Variants in SLC6A11 observed in about 807,000 individuals in gnomAD.
SLC6A11 encodes solute carrier family 6 member 11, also known as sodium- and chloride-dependent GABA transporter 3.
SLC6A11 carries 25 observed loss-of-function variants against 74.8 expected under a neutral mutation model. The observed-to-expected ratio is 0.33, with a 90% CI of 0.24 to 0.47. The LOEUF is 0.47. SLC6A11 is among the 20% of genes least tolerant of loss of function. SLC6A11 has a pLI of 1.00. For synonymous variants in SLC6A11, 330 were observed against 330.2 expected, an observed-to-expected ratio of 1.00 and a Z score of 0.01; for missense variants, 574 against 837.0, an observed-to-expected ratio of 0.69 and a Z score of 3.88.
At chr3:10,863,652 G>T (rs971451762) in intron 5 of SLC6A11, among the ~76,000 whole-genome samples, 1 of 152,166 alleles carries the variant, frequency 6.6e-6, no homozygotes, top group African/African-American at 2.4e-5. Flanking sequence ...AGAAGACATG[G>T]TCATTGAACT....
rs144692520 is a variant in SLC6A11 at position 10,918,343 on chromosome 3, T to C, written c.1010T>C (p.Leu337Pro). 6.2e-7 allele frequency: 1 copy of C among 1,604,018 alleles called. No homozygotes were observed. The highest frequency in any genetic ancestry group is 8.5e-7 in the Non-Finnish European group (1 of 1,176,250). ...NNNCYRDCIM[L>P]CCLNSGTSFV... ...CTTCCCCACAGGGACTGCATCATGCTCTGTTGCCTGAACAGCGGCACCAGC... is the reference window on the plus strand; with the variant it reads ...CTTCCCCACAGGGACTGCATCATGCCCTGTTGCCTGAACAGCGGCACCAGC... The change falls in exon 8 of 14, where the codon CTC becomes CCC. Residue 337 changes from leucine to proline, a missense_variant. By Grantham distance (98) the Leu-to-Pro change is moderately conservative. This residue lies in a region of SLC6A11 where 215 missense variants were observed against 357.9 expected (regional missense o/e 0.60). Transcript: ENST00000254488. This position sits in a 1 kb window ranked among gnomAD's most constrained non-coding sequence, Gnocchi z 4.5.
chr3:10,907,546 G>A (rs1020604769), intron 6 of SLC6A11, among the ~76,000 whole-genome samples: 4 of 152,280 alleles, frequency 2.6e-5, no homozygotes, highest in Admixed American at 6.5e-5. Flanking sequence ...AATATACCAT[G>A]AGCCTGAGAA....
At position 10,853,716 on chromosome 3, in the gene SLC6A11, C is replaced by T. The variant is rs541583664; in HGVS notation, c.756+9370C>T. ...AGTGACTGAGGCCCACCCCGGTTAT[C>T]CCACATAATCTCCTGGACATAAAGT... On this transcript the variant is annotated intron_variant, in intron 5 of 13. Coordinates refer to ENST00000254488, the MANE Select transcript of SLC6A11 (RefSeq NM_014229.3). 2.0e-4 allele frequency among the ~76,000 whole-genome samples: 30 copies of T among 152,318 alleles called. 1 individual carries two copies. Among genetic ancestry groups the T allele is most frequent in the Admixed American group, 1.8e-3 (27 of 15,302 alleles).
chr3:10,906,324 C>T (rs558385126), intron 6 of SLC6A11, among the ~76,000 whole-genome samples: 1 of 152,296 alleles, frequency 6.6e-6, no homozygotes, highest in East Asian at 1.9e-4. Context: ...AAAACAAAAA[C>T]CCTATGGACA....
intron 5 of SLC6A11, among the ~76,000 whole-genome samples, chr3:10,848,365 G>T (rs1053281067): frequency 3.3e-5 from 5 of 152,222 alleles, no homozygotes; most frequent in African/African-American, 9.6e-5. Context: ...GCATCTCCTT[G>T]CTGGGACAAC....
chr3:10,869,445 C>T (rs1694803773), intron 5 of SLC6A11, among the ~76,000 whole-genome samples: 1 of 152,234 alleles, frequency 6.6e-6, no homozygotes, highest in African/African-American at 2.4e-5. Context: ...GAGGGCAGGG[C>T]CCTGACTTGG....
rs528481001 is a variant in SLC6A11, at chr3:10,842,147, G to T, written c.624-2067G>T. ...TTTGGGAGCCGGTGTATTTCTCTGG[G>T]GAGAAAGTCCATCCCTTCGGTAACT... On this transcript the variant is annotated intron_variant, in intron 4 of 13. Transcript: ENST00000254488. Among the ~76,000 whole-genome samples, 8 of 152,264 alleles carry T rather than the reference G, an allele frequency of 5.3e-5. 1 individual carries two copies. In the South Asian group the frequency reaches 1.7e-3, roughly 32 times the overall value.
chr3:10,853,370 T>A (rs979009445), intron 5 of SLC6A11, among the ~76,000 whole-genome samples: 5 of 152,212 alleles, frequency 3.3e-5, no homozygotes, highest in African/African-American at 1.2e-4. Flanking sequence ...GCACCCCCGC[T>A]TGCTGTCACC....
At chr3:10,934,287 T>C (rs983512135) in intron 12 of SLC6A11, 121 bp downstream of exon 12, 1 of 679,554 alleles carries the variant, frequency 1.5e-6, no homozygotes, top group Non-Finnish European at 2.6e-6. Flanking sequence ...TGATGTCCCC[T>C]GGTTCAGGCC....
intron 8 of SLC6A11, among the ~76,000 whole-genome samples, chr3:10,920,960 C>T (rs535049017): frequency 2.0e-4 from 31 of 152,324 alleles, no homozygotes; most frequent in African/African-American, 6.7e-4. Context: ...GTCACCTCAC[C>T]TTTCTCAGAA....
intron 13 of SLC6A11, 134 bp from the exon 14 acceptor site, chr3:10,938,116 A>C: frequency 1.3e-6 from 1 of 785,966 alleles, no homozygotes; most frequent in Non-Finnish European, 1.9e-6. Flanking sequence ...GTAAGGGGCC[A>C]AGCTGGGGCC....
chr3:10,872,970 G>A (rs892763670), intron 5 of SLC6A11, among the ~76,000 whole-genome samples: 17 of 152,154 alleles, frequency 1.1e-4, no homozygotes, highest in African/African-American at 3.4e-4. Flanking sequence ...CTGAACAGAC[G>A]GAGGAGGCAG....
chr3:10,865,671 A>G (rs559115508), intron 5 of SLC6A11, among the ~76,000 whole-genome samples: 7 of 152,152 alleles, frequency 4.6e-5, no homozygotes, highest in Non-Finnish European at 1.0e-4. Context: ...CAAAAACAAA[A>G]ACAAAAAACC....
At chr3:10,925,959 G>A (rs1409805367) in intron 8 of SLC6A11, 45 bp from the exon 9 acceptor site, 1 of 1,061,114 alleles carries the variant, frequency 9.4e-7, no homozygotes, top group East Asian at 2.4e-5. Flanking sequence ...ATGATATGAG[G>A]GATGGGACTC....
chr3:10,881,899 ACATG>A (rs1694986027), intron 6 of SLC6A11, among the ~76,000 whole-genome samples: 4 of 152,300 alleles, frequency 2.6e-5, no homozygotes, highest in Admixed American at 2.6e-4. Context: ...AGGGGCTCAG[ACATG>A]CCTATTTGCT....
At chr3:10,916,830 C>T (rs1040714731) in intron 7 of SLC6A11, among the ~76,000 whole-genome samples, 2 of 152,062 alleles carry the variant, frequency 1.3e-5, no homozygotes, top group African/African-American at 4.8e-5. Context: ...AGATCAGGTT[C>T]GAAGAAAAAA....
intron 8 of SLC6A11, among the ~76,000 whole-genome samples, chr3:10,925,715 C>T (rs1490612659): frequency 6.6e-6 from 1 of 152,196 alleles, no homozygotes; most frequent in East Asian, 1.9e-4. Context: ...CCCTTGAGAA[C>T]AGTAGAGACA....
At chr3:10,882,334 C>T (rs1031791453) in intron 6 of SLC6A11, among the ~76,000 whole-genome samples, 7 of 152,276 alleles carry the variant, frequency 4.6e-5, no homozygotes, top group East Asian at 1.9e-4. Context: ...CCCGCCCGAC[C>T]GGTGCAGTCA....
At chr3:10,857,309 G>T (rs554440722) in intron 5 of SLC6A11, among the ~76,000 whole-genome samples, 1 of 152,312 alleles carries the variant, frequency 6.6e-6, no homozygotes, top group East Asian at 1.9e-4. Flanking sequence ...GATGGCTATA[G>T]GGGTTGGGAA....
Sources: allele counts gnomAD v4.1 joint callset (sites outside exome capture counted in the v4.1 genomes callset), GRCh38; gene constraint gnomAD v4.1.1; regional missense constraint gnomAD v4.1.1; non-coding constraint Gnocchi (gnomAD v3.1); transcripts MANE v1.5; gene names NCBI Gene and HGNC (gene_info 2026-07-23, HGNC 2026-07-21).